GALNTL6: variants seen among roughly 807,000 people sequenced by gnomAD.
The protein encoded by GALNTL6 is polypeptide N-acetylgalactosaminyltransferase-like 6.
GALNTL6 carries 46 observed loss-of-function variants against 73.7 expected under a neutral mutation model. That is an observed-to-expected ratio of 0.62 (90% CI 0.49 to 0.80). The LOEUF (loss-of-function observed/expected upper bound fraction) is 0.80. GALNTL6 is among the 30% of genes least tolerant of loss of function. The pLI is 0.00. For synonymous variants in GALNTL6, 259 were observed against 263.7 expected (o/e 0.98, Z 0.17); for missense variants, 604 against 755.0 (o/e 0.80, Z 2.34).
intron 2 of GALNTL6, among the ~76,000 whole-genome samples, chr4:172,048,935 C>A (rs1420630261): frequency 6.6e-6 from 1 of 152,080 alleles, no homozygotes; most frequent in Non-Finnish European, 1.5e-5. Flanking sequence ...AAGAGCCAAG[C>A]TATAAAGCCT....
In GALNTL6 at chr4:172,753,091, T is replaced by A. The variant is rs185010050; in HGVS notation, c.554-56270T>A. Among the ~76,000 whole-genome samples, 39 of 152,298 alleles carry A rather than the reference T, an allele frequency of 2.6e-4. No individual in the cohort carries two copies. In the East Asian group the frequency reaches 6.8e-3, roughly 26 times the overall value. ...CTTGAATTGTAATAATCCCCATGTA[T>A]CAAGGGCAGGGCCAGGTAGAGATAA... On this transcript the variant is annotated intron_variant, in intron 5 of 12. Transcript: ENST00000506823.
At chr4:173,013,727 C>A (rs1752657947) in intron 11 of GALNTL6, among the ~76,000 whole-genome samples, 1 of 151,998 alleles carries the variant, frequency 6.6e-6, no homozygotes, top group Non-Finnish European at 1.5e-5. Flanking sequence ...TCTAGAGATC[C>A]TAAAAATGAA....
intron 2 of GALNTL6, among the ~76,000 whole-genome samples, chr4:171,989,409 T>G (rs1179876324): frequency 6.6e-6 from 1 of 151,988 alleles, no homozygotes; most frequent in Non-Finnish European, 1.5e-5. Context: ...TTTCAATGGG[T>G]TCCTACACAG....
Position 172,991,638 on chromosome 4 carries a change from C to T in GALNTL6, c.1372-17540C>T, listed in dbSNP as rs1216747646. On this transcript the variant is annotated intron_variant, in intron 10 of 12. Transcript: ENST00000506823. ...GGCCAGGCTGGTCTGGAGCTCCTGA[C>T]CTCAAATTATCCTCCCACCTCAGCC... Among the ~76,000 whole-genome samples the T allele has an allele frequency of 2.6e-5, 4 of 151,984 alleles. No homozygotes were observed. The East Asian group carries it at 7.7e-4, about 29-fold the overall frequency.
At chr4:171,968,713 A>G (rs1214027277) in intron 2 of GALNTL6, among the ~76,000 whole-genome samples, 1 of 152,204 alleles carries the variant, frequency 6.6e-6, no homozygotes, top group South Asian at 2.1e-4. Context: ...GATGATAAGA[A>G]CTGCTTTGTT....
At chr4:172,156,044 T>C (rs1376771091) in intron 2 of GALNTL6, among the ~76,000 whole-genome samples, 1 of 150,468 alleles carries the variant, frequency 6.6e-6, no homozygotes, top group East Asian at 2.0e-4. Context: ...CAGGAGGCGG[T>C]GTGGAGCTAC....
At chr4:172,287,066 A>G (rs900809662) in intron 3 of GALNTL6, among the ~76,000 whole-genome samples, 1 of 152,194 alleles carries the variant, frequency 6.6e-6, no homozygotes, top group East Asian at 1.9e-4. Context: ...CCCAAATCAA[A>G]AAGGCAAAGC....
At chr4:172,521,958 C>T (rs1203307534) in intron 5 of GALNTL6, among the ~76,000 whole-genome samples, 8 of 152,154 alleles carry the variant, frequency 5.3e-5, no homozygotes, top group Admixed American at 2.0e-4. Flanking sequence ...GATTTTAAAA[C>T]TGGCATTTCA....
At chr4:172,566,591 CAAATA>C (rs1433354970) in intron 5 of GALNTL6, among the ~76,000 whole-genome samples, 2 of 150,878 alleles carry the variant, frequency 1.3e-5, no homozygotes, top group Non-Finnish European at 3.0e-5. Context: ...AAAAAAATCT[CAAATA>C]AACAACATAA....
chr4:172,072,422 G>A (rs1336003598), intron 2 of GALNTL6, among the ~76,000 whole-genome samples: 2 of 151,836 alleles, frequency 1.3e-5, no homozygotes, highest in Admixed American at 1.3e-4. Context: ...ATCTTCATAT[G>A]CATTCTTTAT....
intron 5 of GALNTL6, among the ~76,000 whole-genome samples, chr4:172,489,323 C>T (rs925517313): frequency 1.3e-5 from 2 of 152,272 alleles, no homozygotes; most frequent in South Asian, 2.1e-4. Context: ...TTAGCAAACC[C>T]ATAAACAAAT....
chr4:172,459,750 G>T (rs1251867613), intron 5 of GALNTL6, among the ~76,000 whole-genome samples: 1 of 152,120 alleles, frequency 6.6e-6, no homozygotes, highest in African/African-American at 2.4e-5. Flanking sequence ...ATGCTCATGG[G>T]TAGGAAGAAT....
chr4:172,939,831 C>A (rs1461168505), intron 9 of GALNTL6, among the ~76,000 whole-genome samples: 1 of 152,076 alleles, frequency 6.6e-6, no homozygotes, highest in Non-Finnish European at 1.5e-5. Flanking sequence ...TTCTGTCAGC[C>A]AAGGACCCAC....
At chr4:172,966,525 G>T (rs1400703527) in intron 10 of GALNTL6, among the ~76,000 whole-genome samples, 1 of 152,132 alleles carries the variant, frequency 6.6e-6, no homozygotes, top group Non-Finnish European at 1.5e-5. Flanking sequence ...TTCCCAAGTA[G>T]CTGGGATTAC....
At chr4:172,146,279 T>A (rs899821346) in intron 2 of GALNTL6, among the ~76,000 whole-genome samples, 2 of 152,152 alleles carry the variant, frequency 1.3e-5, no homozygotes, top group Non-Finnish European at 2.9e-5. Context: ...TTCTTTTGCG[T>A]TCTTTATGAC....
intron 8 of GALNTL6, among the ~76,000 whole-genome samples, chr4:172,902,904 G>A (rs78693354): frequency 0.05 from 7,588 of 152,224 alleles, 451 homozygotes; most frequent in African/African-American, 0.14. Flanking sequence ...AATGTGAGAA[G>A]TTTCTATCTC....
At chr4:171,879,390 C>T (rs1736373026) in intron 2 of GALNTL6, among the ~76,000 whole-genome samples, 1 of 151,950 alleles carries the variant, frequency 6.6e-6, no homozygotes, top group South Asian at 2.1e-4. Flanking sequence ...TTTTATAGAA[C>T]CTGCACGTTC....
At chr4:172,733,426 G>A (rs976168608) in intron 5 of GALNTL6, among the ~76,000 whole-genome samples, 3 of 152,010 alleles carry the variant, frequency 2.0e-5, no homozygotes, top group African/African-American at 7.3e-5. Context: ...CTGTGTCCCT[G>A]CCGAAATCTC....
chr4:171,914,757 T>A (rs1737568422), intron 2 of GALNTL6, among the ~76,000 whole-genome samples: 2 of 142,216 alleles, frequency 1.4e-5, no homozygotes, highest in Admixed American at 1.4e-4. Flanking sequence ...CTTAATATAT[T>A]AACTTCCAGA....
Sources: allele counts gnomAD v4.1 joint callset (sites outside exome capture counted in the v4.1 genomes callset), GRCh38; gene constraint gnomAD v4.1.1; transcripts MANE v1.5; gene names NCBI Gene and HGNC (gene_info 2026-07-23, HGNC 2026-07-21).